The following ITIH5 variants were observed in gnomAD, a reference collection of about 807,000 sequenced individuals.
ITIH5 encodes the protein inter-alpha-trypsin inhibitor heavy chain 5.
ITIH5 carries 65 observed loss-of-function variants against 77.5 expected under a neutral mutation model. The ratio of observed to expected loss-of-function variants is 0.84; its 90% CI spans 0.69 to 1.03. The LOEUF is 1.03. ITIH5 is among the 50% of genes least tolerant of loss of function. ITIH5 has a pLI of 0.00. For synonymous variants in ITIH5, 525 were observed against 494.3 expected, an observed-to-expected ratio of 1.06 and a Z score of -0.82; for missense variants, 1,208 against 1,213.1, an observed-to-expected ratio of 1.00 and a Z score of 0.06.
At chr10:7,594,841 A>G (rs1031554519) in intron 7 of ITIH5, among the ~76,000 whole-genome samples, 1 of 152,178 alleles carries the variant, frequency 6.6e-6, no homozygotes, top group African/African-American at 2.4e-5. Flanking sequence ...AGGCAGGAAC[A>G]CCAAGCCCCT....
chr10:7,640,178 A>G (rs1348616173), intron 4 of ITIH5, among the ~76,000 whole-genome samples: 1 of 147,868 alleles, frequency 6.8e-6, no homozygotes, highest in Non-Finnish European at 1.5e-5. Flanking sequence ...AAAACTACGT[A>G]CAGGCCAGGC....
At chr10:7,635,124 CTACCTACTGTT>C (rs1352401417) in intron 5 of ITIH5, among the ~76,000 whole-genome samples, 1 of 152,154 alleles carries the variant, frequency 6.6e-6, no homozygotes, top group Non-Finnish European at 1.5e-5. Flanking sequence ...ACTCAATTAG[CTACCTACTGTT>C]TAACAGGCAT....
intron 2 of ITIH5, among the ~76,000 whole-genome samples, chr10:7,650,010 A>G (rs1219228285): frequency 1.3e-5 from 2 of 152,206 alleles, no homozygotes; most frequent in African/African-American, 4.8e-5. Context: ...CTGTGACATA[A>G]GATAATTTCT....
chr10:7,625,818 T>C (rs990732475), intron 5 of ITIH5, among the ~76,000 whole-genome samples: 4 of 151,752 alleles, frequency 2.6e-5, no homozygotes, highest in Non-Finnish European at 5.9e-5. Context: ...ATGGCTAAGA[T>C]GGTAAATTTT....
At position 7,585,922 on chromosome 10, in the gene ITIH5, G is replaced by A. The variant is rs1262560670; in HGVS notation, c.1087C>T (p.His363Tyr). 2 of 1,613,682 alleles carry A rather than the reference G, an allele frequency of 1.2e-6. No individual in the cohort carries two copies. Among genetic ancestry groups the A allele is most frequent in the South Asian group, 1.1e-5 (1 of 90,982 alleles). ...DSIRDGKVYI[H>Y]HMSPTGGTDI... Reference sequence around the variant, plus strand: ...TTACCTCCAGTGGGTGACATATGGTGAATGTACACTTTCCCATCCCTGATG... The same window carrying A: ...TTACCTCCAGTGGGTGACATATGGTAAATGTACACTTTCCCATCCCTGATG... Residue 363 changes from histidine (H) to tyrosine (Y), a missense_variant, in exon 8 of 14, where the codon CAC (histidine) becomes TAC (tyrosine). Coordinates refer to ENST00000397146, the MANE Select transcript of ITIH5 (RefSeq NM_030569.7).
chr10:7,604,099 C>G (rs995650031), intron 7 of ITIH5, among the ~76,000 whole-genome samples: 1 of 152,208 alleles, frequency 6.6e-6, no homozygotes, highest in Non-Finnish European at 1.5e-5. Context: ...GGTAGATTAT[C>G]AGAGTTCCTT....
chr10:7,591,799 A>G (rs958656346), intron 7 of ITIH5, among the ~76,000 whole-genome samples: 2 of 152,140 alleles, frequency 1.3e-5, no homozygotes, highest in Non-Finnish European at 2.9e-5. Context: ...CTCTCTGTGC[A>G]TTGACTGGTC....
In ITIH5 at chr10:7,637,420, C is replaced by T. The variant is rs746984634; in HGVS notation, c.460G>A (p.Ala154Thr). The change falls in exon 5 of 14, where the codon GCC becomes ACC. Residue 154 changes from alanine (A) to threonine (T), a missense_variant. Coordinates refer to ENST00000397146, the MANE Select transcript of ITIH5 (RefSeq NM_030569.7). ...AGCTCCTCATAACTCAGGAAAAAGG[C>T]GGCTTTGTCCTTGCTGGGAATCACT... The part of the protein sequence containing the change: ...SAVIPSKDKA[A>T]FFLSYEELLQ... 8 of 1,613,998 alleles carry T rather than the reference C, an allele frequency of 5.0e-6. No individual in the cohort carries two copies. In the East Asian group the frequency reaches 8.9e-5, roughly 18 times the overall value.
At chr10:7,589,723 C>T (rs1832754754) in intron 7 of ITIH5, among the ~76,000 whole-genome samples, 2 of 151,978 alleles carry the variant, frequency 1.3e-5, no homozygotes, top group South Asian at 4.1e-4. Flanking sequence ...CCCGTCCTCT[C>T]CCATGCCTGG....
chr10:7,564,577 C>G (rs1282161770), intron 13 of ITIH5, among the ~76,000 whole-genome samples: 1 of 152,074 alleles, frequency 6.6e-6, no homozygotes, highest in African/African-American at 2.4e-5. Context: ...CAATAGGAGA[C>G]ACCACATAGC....
intron 7 of ITIH5, among the ~76,000 whole-genome samples, chr10:7,598,508 G>C (rs1301913174): frequency 6.6e-6 from 1 of 152,068 alleles, no homozygotes; most frequent in Non-Finnish European, 1.5e-5. Flanking sequence ...GCCAAGAAAA[G>C]CGTATTTCTT....
At chr10:7,589,363 G>T (rs1832747520) in intron 7 of ITIH5, among the ~76,000 whole-genome samples, 1 of 152,162 alleles carries the variant, frequency 6.6e-6, no homozygotes, top group Non-Finnish European at 1.5e-5. Context: ...GGAGGCTGAG[G>T]CAGGACAGTC....
intron 7 of ITIH5, among the ~76,000 whole-genome samples, chr10:7,601,262 G>T (rs891213563): frequency 5.9e-5 from 9 of 152,146 alleles, no homozygotes; most frequent in African/African-American, 2.2e-4. Context: ...CTAAAACAGT[G>T]ACTGTGAGAA....
At chr10:7,655,758 G>A (rs1241823988) in intron 1 of ITIH5, 83 bp from the exon 2 acceptor site, 2 of 1,056,036 alleles carry the variant, frequency 1.9e-6, no homozygotes, top group Non-Finnish European at 1.5e-6. Flanking sequence ...ATTCTCACAT[G>A]AGTTATACAA....
chr10:7,599,352 T>C (rs1377069505), intron 7 of ITIH5, among the ~76,000 whole-genome samples: 2 of 152,194 alleles, frequency 1.3e-5, no homozygotes, highest in South Asian at 2.1e-4. Context: ...CTTGCTCTAA[T>C]AGGAAGTAAG....
chr10:7,610,116 G>A (rs993851237), intron 7 of ITIH5, among the ~76,000 whole-genome samples: 19 of 110,468 alleles, frequency 1.7e-4, no homozygotes, highest in Admixed American at 5.3e-4. Flanking sequence ...TTCTCACCAA[G>A]AAGTTTTAGC....
intron 11 of ITIH5, among the ~76,000 whole-genome samples, chr10:7,570,735 A>G (rs1482040600): frequency 1.3e-5 from 2 of 152,204 alleles, no homozygotes; most frequent in African/African-American, 4.8e-5. Context: ...CGGTCCTCCC[A>G]CCTCAGCCTC....
intron 8 of ITIH5, among the ~76,000 whole-genome samples, chr10:7,583,668 T>C (rs1252870984): frequency 1.3e-5 from 2 of 152,216 alleles, no homozygotes; most frequent in African/African-American, 4.8e-5. Context: ...TCTAATTTCT[T>C]AGTGCCCCTG....
intron 7 of ITIH5, among the ~76,000 whole-genome samples, chr10:7,591,309 C>T (rs1453242554): frequency 6.6e-6 from 1 of 152,172 alleles, no homozygotes; most frequent in Non-Finnish European, 1.5e-5. Flanking sequence ...TCTGATTTGC[C>T]CACACCCAGC....
Sources: allele counts gnomAD v4.1 joint callset (sites outside exome capture counted in the v4.1 genomes callset), GRCh38; gene constraint gnomAD v4.1.1; transcripts MANE v1.5; gene names NCBI Gene and HGNC (gene_info 2026-07-23, HGNC 2026-07-21).